TRPV4: variants seen among roughly 807,000 people sequenced by gnomAD.
TRPV4 encodes transient receptor potential cation channel subfamily V member 4.
TRPV4 carries 58 observed loss-of-function variants against 84.1 expected under a neutral mutation model. That is an observed-to-expected ratio of 0.69 (90% CI 0.56 to 0.86). The LOEUF is 0.86. TRPV4 is among the 40% of genes least tolerant of loss of function. The pLI is 0.00. For synonymous variants in TRPV4, 489 were observed against 500.9 expected (o/e 0.98, Z 0.32); for missense variants, 879 against 1,181.1 (o/e 0.74, Z 3.75).
In TRPV4 at chr12:109,796,527, C is replaced by A; in HGVS notation, c.1330G>T (p.Glu444Ter). 1 of 1,614,108 alleles carries A rather than the reference C, an allele frequency of 6.2e-7. No individual in the cohort carries two copies. Among genetic ancestry groups the A allele is most frequent in the African/African-American group, 1.3e-5 (1 of 75,026 alleles). ...LEILVYNSKI[E>*]NRHEMLAVEP... The stretch of plus-strand genomic sequence containing the variant: ...CCATGCCCCCTCCTGGAGCCCACCT[C>A]AATCTTGCTGTTGTACACCAGGATC... The change falls in exon 7 of 16, where the codon GAG becomes TAG. Residue 444 changes from glutamate to a stop codon, truncating the protein, a stop_gained and splice_region_variant. Coordinates refer to ENST00000261740, the MANE Select transcript of TRPV4 (RefSeq NM_021625.5). LOFTEE classifies it high-confidence loss of function. This position sits in a 1 kb window ranked among gnomAD's most constrained non-coding sequence, Gnocchi z 4.2.
At chr12:109,813,497 A>G (rs551946555) in intron 2 of TRPV4, among the ~76,000 whole-genome samples, 4 of 152,094 alleles carry the variant, frequency 2.6e-5, no homozygotes, top group Non-Finnish European at 5.9e-5. Context: ...GTGAATGGGT[A>G]AATGGGTAAA....
intron 5 of TRPV4, 143 bp from the exon 6 acceptor site, chr12:109,799,055 T>G: frequency 1.2e-6 from 1 of 806,104 alleles, no homozygotes; most frequent in Non-Finnish European, 1.9e-6. Context: ...ACTGCACGTT[T>G]CTCTGGGTGA....
At chr12:109,785,443 G>A (rs750309286) in intron 14 of TRPV4, among the ~76,000 whole-genome samples, 21 of 151,506 alleles carry the variant, frequency 1.4e-4, no homozygotes, top group Middle Eastern at 6.8e-3. Context: ...TTTTAAGGCA[G>A]AGTCTTGCTC....
chr12:109,787,202 A>C (rs1889746514), intron 13 of TRPV4, among the ~76,000 whole-genome samples: 1 of 152,220 alleles, frequency 6.6e-6, no homozygotes. Context: ...CGGACCCTGC[A>C]CTGCCTGGAG....
intron 15 of TRPV4, 47 bp downstream of exon 15, chr12:109,784,269 G>A: frequency 6.2e-7 from 1 of 1,613,650 alleles, no homozygotes; most frequent in Non-Finnish European, 8.5e-7. Flanking sequence ...GCAAATTCGT[G>A]ATGAGAATGG....
At chr12:109,808,535 T>C (rs1373369786) in intron 2 of TRPV4, 67 bp from the exon 3 acceptor site, 4 of 1,509,188 alleles carry the variant, frequency 2.7e-6, no homozygotes, top group Non-Finnish European at 3.6e-6. Context: ...GTCCCTGGCC[T>C]TAGGGACCCA....
At chr12:109,830,226 T>G (rs1354400671) in intron 1 of TRPV4, among the ~76,000 whole-genome samples, 1 of 152,176 alleles carries the variant, frequency 6.6e-6, no homozygotes, top group Non-Finnish European at 1.5e-5. Flanking sequence ...AGGGATGGAT[T>G]TGCAATCACA....
In TRPV4 at chr12:109,786,654, C is replaced by T. The variant is rs959358560; in HGVS notation, c.2336+56G>A. The T allele has an allele frequency of 8.1e-6, 13 of 1,608,418 alleles. No individual in the cohort carries two copies. Among genetic ancestry groups the T allele is most frequent in the Middle Eastern group, 3.6e-4 (2 of 5,608 alleles). ...GACGACGCTGGAGCAGCAGGGGCCC[C>T]GAGCCAGTGGGGACAGTTCCGCCCT... is the stretch of plus-strand genomic sequence containing the variant. On this transcript the variant is annotated intron_variant, in intron 14 of 15. Transcript: ENST00000261740. The surrounding 1 kb of genome is among the most constrained non-coding windows in gnomAD (Gnocchi z 4.5).
Position 109,783,603 on chromosome 12 carries a change from G to A in TRPV4, c.*18C>T. ...CTAGAAATGAGTGGGCAGAGAAGCT[G>A]GGGCTGGGCTGCAGTCCCTAGAGCG... On this transcript the variant is annotated 3_prime_UTR_variant, in exon 16 of 16. Coordinates refer to ENST00000261740, the MANE Select transcript of TRPV4 (RefSeq NM_021625.5). The surrounding 1 kb of genome is among the most constrained non-coding windows in gnomAD (Gnocchi z 4.6). 3 of 1,609,488 alleles carry A rather than the reference G, an allele frequency of 1.9e-6. No homozygotes were observed. The highest frequency in any genetic ancestry group is 2.5e-6 in the Non-Finnish European group (3 of 1,177,012).
chr12:109,812,299 T>A (rs1187646005), intron 2 of TRPV4, among the ~76,000 whole-genome samples: 3 of 152,192 alleles, frequency 2.0e-5, no homozygotes, highest in Non-Finnish European at 4.4e-5. Context: ...AGGGGCCACA[T>A]GCTGTGGCCC....
rs1407714132 is a variant in TRPV4 at position 109,793,574 on chromosome 12, G to T, written c.1611C>A (p.Cys537Ter). ...CAATGAAGAGAGAATTCACTCCAGG[G>T]CATTTCTTCATGAACAAGTCTTTGA... ...TNIKDLFMKKCPGVNSLFIDG... is the reference protein window; with the variant it reads ...TNIKDLFMKK The change falls in exon 10 of 16, where the codon TGC becomes TGA. Residue 537 changes from cysteine to a stop codon, truncating the protein, a stop_gained. Transcript: ENST00000261740. LOFTEE classifies it high-confidence loss of function. This position sits in a 1 kb window ranked among gnomAD's most constrained non-coding sequence, Gnocchi z 4.0. 6.2e-7 allele frequency: 1 copy of T among 1,614,026 alleles called. No homozygotes were observed. The highest frequency in any genetic ancestry group is 1.1e-5 in the South Asian group (1 of 91,086).
At chr12:109,819,411 G>A (rs940116081) in intron 1 of TRPV4, among the ~76,000 whole-genome samples, 1 of 152,128 alleles carries the variant, frequency 6.6e-6, no homozygotes, top group Non-Finnish European at 1.5e-5. Context: ...GTTCCCGCAC[G>A]GGCTCACAAT....
Position 109,798,618 on chromosome 12 carries a change from A to G in TRPV4, c.1148T>C (p.Ile383Thr), listed in dbSNP as rs759729089. Residue 383 changes from isoleucine to threonine, a missense_variant, in exon 6 of 16, where the codon ATT (isoleucine) becomes ACT (threonine). Ile to Thr is a moderately conservative substitution (Grantham distance 89). Coordinates refer to ENST00000261740, the MANE Select transcript of TRPV4 (RefSeq NM_021625.5). The surrounding 1 kb of genome is among the most constrained non-coding windows in gnomAD (Gnocchi z 5.0). ...TGCCCCCAGCCGCACACTCACCCCA[A>G]TCTTGCCCGTCTTGGCAGCCATCAT... is the stretch of plus-strand genomic sequence containing the variant. ...PLMMAAKTGK[I>T]GIFQHIIRRE... The G allele has an allele frequency of 2.5e-6, 4 of 1,611,516 alleles. No homozygotes were observed. Among genetic ancestry groups the G allele is most frequent in the African/African-American group, 1.3e-5 (1 of 75,008 alleles).
intron 12 of TRPV4, 66 bp downstream of exon 12, chr12:109,792,297 C>T (rs926449802): frequency 4.5e-6 from 4 of 879,702 alleles, no homozygotes; most frequent in Non-Finnish European, 7.4e-6. Context: ...GTCCCCTATA[C>T]ATCATGGCTA....
chr12:109,806,439 AG>A (rs1891134382), intron 3 of TRPV4, among the ~76,000 whole-genome samples: 1 of 144,592 alleles, frequency 6.9e-6, no homozygotes, highest in African/African-American at 2.6e-5. Flanking sequence ...TCCTGACCTT[AG>A]GTGATCCACC....
At chr12:109,821,176 G>A (rs1312469345) in intron 1 of TRPV4, among the ~76,000 whole-genome samples, 1 of 152,258 alleles carries the variant, frequency 6.6e-6, no homozygotes, top group Non-Finnish European at 1.5e-5. Flanking sequence ...CCAGCGGGGA[G>A]GAATCCAGGG....
intron 3 of TRPV4, among the ~76,000 whole-genome samples, chr12:109,803,526 T>C (rs1890942002): frequency 6.6e-6 from 1 of 152,114 alleles, no homozygotes; most frequent in African/African-American, 2.4e-5. Flanking sequence ...TCCTAGCTCA[T>C]TGCAGCCTCC....
intron 1 of TRPV4, among the ~76,000 whole-genome samples, chr12:109,819,312 T>G (rs1200434250): frequency 6.6e-6 from 1 of 152,214 alleles, no homozygotes; most frequent in Non-Finnish European, 1.5e-5. Flanking sequence ...CTCCTCTGCG[T>G]GTGACTGTCA....
chr12:109,817,655 G>A (rs1273396690), intron 1 of TRPV4, among the ~76,000 whole-genome samples: 1 of 152,206 alleles, frequency 6.6e-6, no homozygotes. Flanking sequence ...TAATTAGGAT[G>A]AAATAATAAT....
Sources: allele counts gnomAD v4.1 joint callset (sites outside exome capture counted in the v4.1 genomes callset), GRCh38; gene constraint gnomAD v4.1.1; non-coding constraint Gnocchi (gnomAD v3.1); transcripts MANE v1.5; gene names NCBI Gene and HGNC (gene_info 2026-07-23, HGNC 2026-07-21).